The following OR4D10 variants were observed in gnomAD, a reference collection of about 807,000 sequenced individuals.
OR4D10 encodes the protein olfactory receptor family 4 subfamily D member 10, also known as olfactory receptor 4D10.
For synonymous variants in OR4D10, 188 were observed against 153.2 expected (o/e 1.23, Z -1.68); for missense variants, 395 against 378.0 (o/e 1.04, Z -0.37).
chr11:59,476,291 G>A (rs1017787053), intron 2 of OR4D10, among the ~76,000 whole-genome samples: 3 of 152,192 alleles, frequency 2.0e-5, no homozygotes, highest in Admixed American at 6.5e-5. Context: ...CAGGAAAGGT[G>A]AAGGAAAAAC....
chr11:59,476,479 C>G (rs559970622), intron 2 of OR4D10, among the ~76,000 whole-genome samples: 78 of 152,308 alleles, frequency 5.1e-4, no homozygotes, highest in African/African-American at 1.7e-3. Flanking sequence ...TTCCGGGGCT[C>G]AAGTGATCCT....
In OR4D10 at chr11:59,477,901, G is replaced by C. The variant is rs200781301; in HGVS notation, c.472G>C (p.Val158Leu). The C allele has an allele frequency of 1.2e-6, 2 of 1,614,062 alleles. No individual in the cohort carries two copies. The highest frequency in any genetic ancestry group is 2.2e-5 in the South Asian group (2 of 91,070). ...GTTGGGGGGCTTTGTCCACTCCATC[G>C]TGCAGATTTCCCTGTTGCTCCCACT... ...AWLGGFVHSI[V>L]QISLLLPLPF... The change falls in exon 3 of 3, where the codon GTG (valine) becomes CTG (leucine). Residue 158 changes from valine to leucine, a missense_variant. Coordinates refer to ENST00000530162, the MANE Select transcript of OR4D10 (RefSeq NM_001004705.2).
rs537304570 is a variant in OR4D10 at position 59,474,287 on chromosome 11, T to C, written c.-169+494T>C. Among the ~76,000 whole-genome samples, 4 of 152,344 alleles carry C rather than the reference T, an allele frequency of 2.6e-5. No individual in the cohort carries two copies. The East Asian group carries it at 7.7e-4, about 29-fold the overall frequency. On this transcript the variant is annotated intron_variant, in intron 2 of 2. Transcript: ENST00000530162. ...TGATCATATCTCTTACCACAGGTGA[T>C]GTGCCAACCAAATCTTCTCTTACAA...
At position 59,478,432 on chromosome 11, in the gene OR4D10, T is replaced by A; in HGVS notation, c.*67T>A. On this transcript the variant is annotated 3_prime_UTR_variant, in exon 3 of 3. Transcript: ENST00000530162. ...ATTTATTATTTTTCCCATGAAGTCA[T>A]ATTCATATATTCAAATATATTGTCA... is the stretch of plus-strand genomic sequence containing the variant. 9.0e-7 allele frequency: 1 copy of A among 1,105,498 alleles called. No homozygotes were observed. 68.5% of individuals were successfully genotyped at this position (1,105,498 alleles called of 1,614,324 possible). A position where few individuals can be genotyped will look rare whatever the true frequency, so the allele number is the denominator to read the frequency against.
chr11:59,473,591 T>C lies in OR4D10; in HGVS notation c.-274T>C, dbSNP rs1468999370. The C allele has an allele frequency of 6.6e-6, 1 of 152,244 alleles. No individual in the cohort carries two copies. The highest frequency in any genetic ancestry group is 2.4e-5 in the African/African-American group (1 of 41,472). The allele number at this position is 152,244 out of a possible 1,614,324, so 9.4% of individuals were successfully genotyped here. Reference sequence around the variant, plus strand: ...GCCAGTAGTCTTCTGTTATGCACTATATCTAATAGCATCAAATTTGTAGTT... The same window carrying C: ...GCCAGTAGTCTTCTGTTATGCACTACATCTAATAGCATCAAATTTGTAGTT... On this transcript the variant is annotated 5_prime_UTR_variant, in exon 1 of 3. Transcript: ENST00000530162.
intron 2 of OR4D10, among the ~76,000 whole-genome samples, chr11:59,474,832 G>A (rs767485378): frequency 1.3e-5 from 2 of 151,796 alleles, no homozygotes; most frequent in Admixed American, 6.6e-5. Context: ...CGAGGCGGGC[G>A]GATCACGAGG....
Position 59,478,205 on chromosome 11 carries a change from C to T in OR4D10, c.776C>T (p.Ala259Val). The T allele has an allele frequency of 6.2e-7, 1 of 1,614,032 alleles. No homozygotes were observed. The highest frequency in any genetic ancestry group is 1.3e-5 in the African/African-American group (1 of 74,984). ...LHFVPCIYVY[A>V]RPFTALPMDK... is the part of the protein sequence containing the mutation. ...TTCGTGCCCTGCATCTATGTCTATG[C>T]CCGGCCCTTCACTGCCCTCCCCATG... is the stretch of plus-strand genomic sequence containing the variant. Residue 259 changes from alanine to valine, a missense_variant, in exon 3 of 3, where the codon GCC becomes GTC. Coordinates refer to ENST00000530162, the MANE Select transcript of OR4D10 (RefSeq NM_001004705.2).
At position 59,479,128 on chromosome 11, in the gene OR4D10, A is replaced by T. The variant is rs1858941675; in HGVS notation, c.*763A>T. ...GCTTAGGGTTAGCATTGCACTCAGG[A>T]CTCTATTTTGAAATTTCCTATTTTC... On this transcript the variant is annotated 3_prime_UTR_variant, in exon 3 of 3. Transcript: ENST00000530162. The T allele has an allele frequency of 6.6e-6, 1 of 151,770 alleles. No homozygotes were observed. The highest frequency in any genetic ancestry group is 6.6e-5 in the Admixed American group (1 of 15,228). The allele number at this position is 151,770 out of a possible 1,614,324, so 9.4% of individuals were successfully genotyped here.
At position 59,477,297 on chromosome 11, in the gene OR4D10, A is replaced by C. The variant is rs1858917302; in HGVS notation, c.-133A>C. On this transcript the variant is annotated 5_prime_UTR_variant, in exon 3 of 3. Coordinates refer to ENST00000530162, the MANE Select transcript of OR4D10 (RefSeq NM_001004705.2). ...ATCTGAAAAACGTGAACAATGCAACAAACTGCAAAAACTACAACCGCATGG... is the reference window on the plus strand; with the variant it reads ...ATCTGAAAAACGTGAACAATGCAACCAACTGCAAAAACTACAACCGCATGG... 1.0e-5 allele frequency: 6 copies of C among 596,120 alleles called. No individual in the cohort carries two copies. The highest frequency in any genetic ancestry group is 1.7e-5 in the Non-Finnish European group (6 of 355,782). The allele number at this position is 596,120 out of a possible 1,614,324, so 36.9% of individuals were successfully genotyped here.
chr11:59,477,969 T>A lies in OR4D10; in HGVS notation c.540T>A (p.Asp180Glu), dbSNP rs1858928010. 1 of 1,614,206 alleles carries A rather than the reference T, an allele frequency of 6.2e-7. No individual in the cohort carries two copies. Among genetic ancestry groups the A allele is most frequent in the African/African-American group, 1.3e-5 (1 of 75,054 alleles). Residue 180 changes from aspartate to glutamate, a missense_variant, in exon 3 of 3, where the codon GAT (aspartate) becomes GAA (glutamate). Physicochemically the swap from Asp to Glu is conservative, Grantham distance 45. Transcript: ENST00000530162. ...ATGTTCTTGACACTTTCTACTGTGA[T>A]GTCCACCGGGTCCTCAAACTGGCCC... ...GPNVLDTFYC[D>E]VHRVLKLAHT...
intron 2 of OR4D10, 48 bp from the exon 3 acceptor site, chr11:59,477,211 GAGA>G (rs1202334618): frequency 1.6e-5 from 7 of 434,698 alleles, no homozygotes; most frequent in African/African-American, 2.0e-5. Flanking sequence ...AGTTCTATAG[GAGA>G]AGAATTATTG....
chr11:59,477,500 G>C lies in OR4D10; in HGVS notation c.71G>C (p.Ser24Thr), dbSNP rs1447890486. 6.2e-7 allele frequency: 1 copy of C among 1,613,224 alleles called. No homozygotes were observed. The highest frequency in any genetic ancestry group is 2.2e-5 in the East Asian group (1 of 44,880). ...GGCCTGACCCAGAATCGGGAAGTGAGCTTAGTCTTATTTCTTTTCCTACTC... is the reference window on the plus strand; with the variant it reads ...GGCCTGACCCAGAATCGGGAAGTGACCTTAGTCTTATTTCTTTTCCTACTC... ...FLGLTQNREV[S>T]LVLFLFLLLV... is the part of the protein sequence containing the mutation. The change falls in exon 3 of 3, where the codon AGC becomes ACC. Residue 24 changes from serine (S) to threonine (T), a missense_variant. Physicochemically the swap from Ser to Thr is moderately conservative, Grantham distance 58. Transcript: ENST00000530162.
rs533637785 is a variant in OR4D10, at chr11:59,478,017, A to G, written c.588A>G (p.Glu196=). 5.6e-6 allele frequency: 9 copies of G among 1,614,102 alleles called. No individual in the cohort carries two copies. The African/African-American group carries it at 6.7e-5, about 12-fold the overall frequency. Residue 196 remains glutamate, a synonymous_variant, in exon 3 of 3, where the codon GAA becomes GAG. Transcript: ENST00000530162. ...KLAHTDIFIL[E]LLMISNNGLL... ...CCCATACAGACATTTTCATACTTGA[A>G]CTACTAATGATTTCCAACAATGGAC... is the stretch of plus-strand genomic sequence containing the variant.
intron 2 of OR4D10, among the ~76,000 whole-genome samples, chr11:59,474,899 A>G (rs1398022922): frequency 2.4e-5 from 1 of 41,498 alleles, no homozygotes; most frequent in Non-Finnish European, 1.4e-4. Flanking sequence ...TACTAAAAAT[A>G]CAAAAAAAAA....
intron 2 of OR4D10, among the ~76,000 whole-genome samples, chr11:59,476,386 CT>C (rs1227977788): frequency 6.6e-6 from 1 of 152,014 alleles, no homozygotes; most frequent in Admixed American, 6.6e-5. Flanking sequence ...ACTCAGTCTA[CT>C]TTTCTCTTTT....
Position 59,477,451 on chromosome 11 carries a change from A to C in OR4D10, c.22A>C (p.Arg8=). MEMENCT[R]VKEFIFLGLT... ...TTGAATGGAGATGGAAAACTGCACC[A>C]GGGTAAAAGAATTTATTTTCCTTGG... The change falls in exon 3 of 3, where the codon AGG becomes CGG. Residue 8 remains arginine, a synonymous_variant. Coordinates refer to ENST00000530162, the MANE Select transcript of OR4D10 (RefSeq NM_001004705.2). 1 of 1,573,250 alleles carries C rather than the reference A, an allele frequency of 6.4e-7. No homozygotes were observed. The highest frequency in any genetic ancestry group is 8.6e-7 in the Non-Finnish European group (1 of 1,160,352).
At chr11:59,474,605 GA>G (rs766018395) in intron 2 of OR4D10, among the ~76,000 whole-genome samples, 6 of 152,154 alleles carry the variant, frequency 3.9e-5, no homozygotes, top group Non-Finnish European at 5.9e-5. Context: ...TAGAGCAGAA[GA>G]AAGTGTGATG....
At chr11:59,476,854 A>G (rs889643427) in intron 2 of OR4D10, among the ~76,000 whole-genome samples, 6 of 152,230 alleles carry the variant, frequency 3.9e-5, no homozygotes, top group Admixed American at 2.0e-4. Context: ...GGAAAAAAAA[A>G]TCACCTTTCA....
rs534314303 is a variant in OR4D10 at position 59,476,898 on chromosome 11, T to C, written c.-168-364T>C. 4.6e-4 allele frequency among the ~76,000 whole-genome samples: 68 copies of C among 146,680 alleles called. 1 individual carries two copies. Among genetic ancestry groups the C allele is most frequent in the African/African-American group, 1.8e-3 (66 of 37,200 alleles). ...AAACTTCTGTTGGTTCCTATCAAAA[T>C]GTATTCCTGTACAGGGCAAAAAAAA... On this transcript the variant is annotated intron_variant, in intron 2 of 2. Coordinates refer to ENST00000530162, the MANE Select transcript of OR4D10 (RefSeq NM_001004705.2).
Sources: allele counts gnomAD v4.1 joint callset (sites outside exome capture counted in the v4.1 genomes callset), GRCh38; gene constraint gnomAD v4.1.1; transcripts MANE v1.5; gene names NCBI Gene and HGNC (gene_info 2026-07-23, HGNC 2026-07-21).